The following POMK variants were observed in gnomAD, a reference collection of about 807,000 sequenced individuals.
POMK encodes Sugen kinase 196.
POMK carries 19 observed loss-of-function variants against 23.0 expected under a neutral mutation model. The ratio of observed to expected loss-of-function variants is 0.83; its 90% confidence interval spans 0.58 to 1.21. POMK has a LOEUF of 1.21. Among genes scored for constraint, POMK ranks in the 50% most tolerant of loss-of-function variants. The probability of loss-of-function intolerance (pLI) is 0.00; values close to 1 mark genes in which losing one functional copy is unlikely to be tolerated. For missense variants in POMK, 410 were observed against 431.3 expected (o/e 0.95, Z 0.44); for synonymous variants, 173 against 171.6 (o/e 1.01, Z -0.06).
At chr8:43,103,167 G>A (rs1380825641) in intron 3 of POMK, among the ~76,000 whole-genome samples, 1 of 152,114 alleles carries the variant, frequency 6.6e-6, no homozygotes, top group Admixed American at 6.5e-5. Flanking sequence ...GCTGTCCTTT[G>A]TCCACCCTCT....
At chr8:43,103,328 T>C (rs995033412) in intron 3 of POMK, among the ~76,000 whole-genome samples, 200 bp from the exon 4 acceptor site, 3 of 152,178 alleles carry the variant, frequency 2.0e-5, no homozygotes, top group African/African-American at 7.2e-5. Flanking sequence ...CATTTTAGTT[T>C]GTAATAAAAA....
Position 43,122,473 on chromosome 8 carries a change from C to T in POMK, c.649C>T (p.Leu217=). 3.7e-6 allele frequency: 6 copies of T among 1,614,186 alleles called. No individual in the cohort carries two copies. Among genetic ancestry groups the T allele is most frequent in the Non-Finnish European group, 5.1e-6 (6 of 1,180,022 alleles). Residue 217 remains leucine (L), a synonymous_variant, in exon 5 of 5, where the codon CTA becomes TTA. Transcript: ENST00000331373. ...GCCGAAGACACTGTCCCAGTATCTG[C>T]TAACAAGCAACTTCAGCATTTTGGC... ...DLPKTLSQYL[L]TSNFSILAND... is the part of the protein sequence containing the mutation.
intron 2 of POMK, among the ~76,000 whole-genome samples, chr8:43,099,505 C>G (rs1372641479): frequency 2.6e-5 from 4 of 152,150 alleles, no homozygotes; most frequent in Admixed American, 6.5e-5. Context: ...TGAGGAGCTG[C>G]CAGAATGTAG....
chr8:43,110,182 C>T (rs1366713033), intron 4 of POMK, among the ~76,000 whole-genome samples: 7 of 152,358 alleles, frequency 4.6e-5, no homozygotes, highest in South Asian at 2.1e-4. Context: ...TTACATGCCT[C>T]GTGTATAGAA....
chr8:43,104,233 G>A (rs974392098), intron 4 of POMK, among the ~76,000 whole-genome samples: 2 of 151,666 alleles, frequency 1.3e-5, no homozygotes, highest in Admixed American at 6.6e-5. Context: ...AGTGATTCTC[G>A]TGACTCAGCC....
At chr8:43,120,790 G>GGGTTCAA (rs1377521201) in intron 4 of POMK, among the ~76,000 whole-genome samples, 1 of 151,222 alleles carries the variant, frequency 6.6e-6, no homozygotes, top group African/African-American at 2.4e-5. Context: ...TGATTCTCCT[G>GGGTTCAA]CCTCAGCCTC....
intron 4 of POMK, among the ~76,000 whole-genome samples, chr8:43,116,877 G>A (rs1005444239): frequency 6.6e-6 from 1 of 152,236 alleles, no homozygotes; most frequent in African/African-American, 2.4e-5. Context: ...CCTGGGTGCA[G>A]GCGGGCTGAG....
rs142685425 is a variant in POMK, at chr8:43,116,756, T to C, written c.283-5351T>C. The stretch of plus-strand genomic sequence containing the variant: ...TACTGATATCATAGTTGGTTAACTG[T>C]ACTTTATATAAGTATTATATACTGT... On this transcript the variant is annotated intron_variant, in intron 4 of 4. Coordinates refer to ENST00000331373, the MANE Select transcript of POMK (RefSeq NM_032237.5). Among the ~76,000 whole-genome samples, 1,046 of 152,368 alleles carry C rather than the reference T, an allele frequency of 6.9e-3. 9 individuals carry two copies. Among genetic ancestry groups the C allele is most frequent in the Admixed American group, 0.016 (249 of 15,304 alleles).
At chr8:43,099,010 G>A (rs1047826739) in intron 2 of POMK, among the ~76,000 whole-genome samples, 9 of 152,138 alleles carry the variant, frequency 5.9e-5, no homozygotes, top group Admixed American at 5.2e-4. Flanking sequence ...GTTGTGGCAC[G>A]ATCACAGCTC....
In POMK at chr8:43,122,556, C is replaced by T. The variant is rs142479040; in HGVS notation, c.732C>T (p.Cys244=). 8.1e-5 allele frequency: 130 copies of T among 1,614,002 alleles called. No individual in the cohort carries two copies. Among genetic ancestry groups the T allele is most frequent in the Non-Finnish European group, 6.5e-5 (77 of 1,180,024 alleles). The stretch of plus-strand genomic sequence containing the variant: ...ACAGCTCCGGGATGCTGGTGAAGTG[C>T]GGCCACAGGGAGCTGCATGGGGATT... The part of the protein sequence containing the change: ...VNHSSGMLVK[C]GHRELHGDFV... The change falls in exon 5 of 5, where the codon TGC becomes TGT. Residue 244 remains cysteine (C), a synonymous_variant. Transcript: ENST00000331373.
chr8:43,098,086 A>T (rs1811370214), intron 2 of POMK, among the ~76,000 whole-genome samples: 1 of 152,140 alleles, frequency 6.6e-6, no homozygotes, highest in Non-Finnish European at 1.5e-5. Flanking sequence ...AGAGCTGGGA[A>T]TGCTTTTATC....
chr8:43,103,941 G>A, intron 4 of POMK, 111 bp downstream of exon 4: 4 of 1,109,620 alleles, frequency 3.6e-6, no homozygotes, highest in East Asian at 2.6e-5. Context: ...CTTTGTTACT[G>A]CCAAAGTGTA....
chr8:43,111,763 C>G (rs1811673327), intron 4 of POMK, among the ~76,000 whole-genome samples: 1 of 152,190 alleles, frequency 6.6e-6, no homozygotes, highest in Non-Finnish European at 1.5e-5. Context: ...TGCGGTTCAC[C>G]AATATCTGCT....
In POMK at chr8:43,120,609, C is replaced by G. The variant is rs542817546; in HGVS notation, c.283-1498C>G. Reference sequence around the variant, plus strand: ...TATATATATTGAATGATCCTCCCACCTCAGCCTCCCCTGAGTAGCTGGGGG... The same window carrying G: ...TATATATATTGAATGATCCTCCCACGTCAGCCTCCCCTGAGTAGCTGGGGG... On this transcript the variant is annotated intron_variant, in intron 4 of 4. Transcript: ENST00000331373. Among the ~76,000 whole-genome samples, 3 of 152,004 alleles carry G rather than the reference C, an allele frequency of 2.0e-5. No individual in the cohort carries two copies. The East Asian group carries it at 5.8e-4, about 29-fold the overall frequency.
intron 4 of POMK, 35 bp downstream of exon 4, chr8:43,103,865 T>C (rs1275861851): frequency 1.2e-6 from 2 of 1,604,372 alleles, no homozygotes; most frequent in Admixed American, 3.4e-5. Flanking sequence ...GCTGTCATCC[T>C]GTTATTTCGC....
intron 4 of POMK, among the ~76,000 whole-genome samples, chr8:43,110,633 C>A (rs1811632869): frequency 1.3e-5 from 2 of 152,222 alleles, no homozygotes; most frequent in Middle Eastern, 3.4e-3. Flanking sequence ...TATAAAATTT[C>A]TTGGCTGGGC....
At chr8:43,098,549 G>T (rs900540203) in intron 2 of POMK, among the ~76,000 whole-genome samples, 4 of 152,160 alleles carry the variant, frequency 2.6e-5, no homozygotes, top group Non-Finnish European at 5.9e-5. Flanking sequence ...TCCACTGTTT[G>T]GCAGTTGTGG....
At chr8:43,093,834 C>T (rs1255041720) in intron 1 of POMK, among the ~76,000 whole-genome samples, 1 of 152,254 alleles carries the variant, frequency 6.6e-6, no homozygotes, top group East Asian at 1.9e-4. Context: ...CCTGTAATCC[C>T]AGCGCTTTGG....
chr8:43,096,970 G>T (rs1346390105), intron 1 of POMK, among the ~76,000 whole-genome samples: 3 of 152,198 alleles, frequency 2.0e-5, no homozygotes, highest in Non-Finnish European at 2.9e-5. Flanking sequence ...TGTATGAGAA[G>T]CGGAGTTTGG....
Sources: gnomAD v4.1 joint callset for allele counts (sites outside exome capture counted in the v4.1 genomes callset) on GRCh38, gnomAD v4.1.1 for gene constraint, MANE v1.5 for transcripts, NCBI Gene and HGNC (gene_info 2026-07-23, HGNC 2026-07-21) for gene names.